Variants in EPB41L3 observed in about 807,000 individuals in gnomAD.
EPB41L3 encodes band 4.1-like protein 3.
EPB41L3 carries 57 observed loss-of-function variants against 127.1 expected under a neutral mutation model. The ratio of observed to expected loss-of-function variants is 0.45; its 90% confidence interval spans 0.36 to 0.56. EPB41L3 has a LOEUF of 0.56. EPB41L3 is among the 20% of genes least tolerant of loss of function. EPB41L3 has a pLI of 0.00. For synonymous variants in EPB41L3, 572 were observed against 549.5 expected (o/e 1.04, Z -0.57); for missense variants, 1,273 against 1,372.2 (o/e 0.93, Z 1.14).
rs549802113 is a variant in EPB41L3, at chr18:5,490,836, G to A, written c.-11-1642C>T. Among the ~76,000 whole-genome samples, 502 of 152,306 alleles carry A rather than the reference G, an allele frequency of 3.3e-3. 7 individuals are homozygous for A. The highest frequency in any genetic ancestry group is 0.011 in the African/African-American group (445 of 41,552). On this transcript the variant is annotated intron_variant, in intron 1 of 22. Coordinates refer to ENST00000341928, the MANE Select transcript of EPB41L3 (RefSeq NM_012307.5). The stretch of plus-strand genomic sequence containing the variant: ...TGATCAAACTCCATCTTTTGGAAGG[G>A]AAAGGATTAGCTTTAATAGTCAATT...
Position 5,415,848 on chromosome 18 carries a change from G to A in EPB41L3, c.2037C>T (p.Asp679=). The part of the protein sequence containing the change: ...PKAASLSASL[D]NDPSDSSEEE... ...CCTCTGAACTGTCACTCGGGTCATT[G>A]TCTAGGGAGGCGCTCAAGGAGGCCG... Residue 679 remains aspartate (D), a synonymous_variant, in exon 13 of 23, where the codon GAC becomes GAT. Coordinates refer to ENST00000341928, the MANE Select transcript of EPB41L3 (RefSeq NM_012307.5). 3 of 1,613,204 alleles carry A rather than the reference G, an allele frequency of 1.9e-6. No homozygotes were observed. The highest frequency in any genetic ancestry group is 2.5e-6 in the Non-Finnish European group (3 of 1,179,848).
At chr18:5,547,894 A>C (rs2093906933), upstream of EPB41L3, among the ~76,000 whole-genome samples, 1 of 152,246 alleles carries the variant, frequency 6.6e-6, no homozygotes, top group South Asian at 2.1e-4. Flanking sequence ...ATGAGACTCC[A>C]GAAAGAAATA....
At chr18:5,518,865 A>G (rs1269778670) in intron 1 of EPB41L3, among the ~76,000 whole-genome samples, 8 of 152,180 alleles carry the variant, frequency 5.3e-5, no homozygotes, top group African/African-American at 1.9e-4. Flanking sequence ...TTTGCAGATA[A>G]AAAGGAGTAC....
At chr18:5,505,980 T>G (rs1344164810) in intron 1 of EPB41L3, among the ~76,000 whole-genome samples, 4 of 141,550 alleles carry the variant, frequency 2.8e-5, no homozygotes, top group African/African-American at 5.2e-5. Flanking sequence ...CTTCTCTGCA[T>G]ACCTTCACTT....
intron 1 of EPB41L3, among the ~76,000 whole-genome samples, chr18:5,519,736 G>A (rs1385532414): frequency 3.9e-5 from 6 of 152,170 alleles, no homozygotes; most frequent in Non-Finnish European, 8.8e-5. Context: ...TCCACCCAGC[G>A]TGCAGGACAG....
intron 15 of EPB41L3, 41 bp downstream of exon 15, chr18:5,407,660 T>C (rs770035891): frequency 1.9e-6 from 3 of 1,603,438 alleles, no homozygotes; most frequent in Admixed American, 3.3e-5. Flanking sequence ...CACACTGTTG[T>C]TTTGTTGTTG....
chr18:5,628,928 CGCCGCGCTTCCCCGCCA>C (rs2094955598), exon 1 of EPB41L3: 2 of 152,406 alleles, frequency 1.3e-5, no homozygotes, highest in Admixed American at 1.3e-4. Flanking sequence ...CCACCTCCCG[CGCCGCGCTTCCCCGCCA>C]GCCGCCGGCC....
chr18:5,610,023 C>A (rs988813908), intron 3 of EPB41L3: 9 of 838,410 alleles, frequency 1.1e-5, no homozygotes, highest in Non-Finnish European at 1.3e-5. Flanking sequence ...GGTGCCTGGG[C>A]AGTGTGCTCA....
chr18:5,466,900 A>G (rs1156613252), intron 3 of EPB41L3, among the ~76,000 whole-genome samples: 1 of 152,262 alleles, frequency 6.6e-6, no homozygotes, highest in African/African-American at 2.4e-5. Flanking sequence ...GAAGGCATGA[A>G]TTGAAATGCT....
intron 1 of EPB41L3, among the ~76,000 whole-genome samples, chr18:5,506,561 C>T (rs112202176): frequency 5.3e-5 from 8 of 152,270 alleles, no homozygotes; most frequent in African/African-American, 1.9e-4. Flanking sequence ...CCCTAATACC[C>T]ATCACTAGTC....
intron 3 of EPB41L3, among the ~76,000 whole-genome samples, chr18:5,594,195 AG>A (rs1303528857): frequency 7.2e-5 from 11 of 152,216 alleles, no homozygotes; most frequent in Non-Finnish European, 1.3e-4. Context: ...AAATTATAAA[AG>A]TATTAATTTG....
At chr18:5,395,353 C>T (rs2073200259) in intron 20 of EPB41L3, among the ~76,000 whole-genome samples, 1 of 152,206 alleles carries the variant, frequency 6.6e-6, no homozygotes, top group Non-Finnish European at 1.5e-5. Flanking sequence ...GTTTCTGGAA[C>T]ACTACCACAT....
intron 6 of EPB41L3, among the ~76,000 whole-genome samples, chr18:5,436,629 T>C (rs918379847): frequency 1.3e-5 from 2 of 151,872 alleles, no homozygotes; most frequent in Admixed American, 1.3e-4. Flanking sequence ...AGGATGGTCT[T>C]GATCTCCTGA....
intron 3 of EPB41L3, among the ~76,000 whole-genome samples, chr18:5,593,289 A>C (rs1388862752): frequency 2.0e-5 from 3 of 151,872 alleles, no homozygotes; most frequent in Non-Finnish European, 4.4e-5. Flanking sequence ...ATTTTCCCTA[A>C]GCAACAGCCG....
intron 3 of EPB41L3, among the ~76,000 whole-genome samples, chr18:5,552,663 A>G (rs2093981927): frequency 6.6e-6 from 1 of 152,146 alleles, no homozygotes; most frequent in South Asian, 2.1e-4. Flanking sequence ...TAAGAGCTAA[A>G]ATTTACTGAG....
rs2072591297 is a variant in EPB41L3, at chr18:5,392,561, A to G, written c.*924T>C. The G allele has an allele frequency of 1.3e-5, 2 of 152,658 alleles. No homozygotes were observed. Among genetic ancestry groups the G allele is most frequent in the African/African-American group, 2.4e-5 (1 of 41,464 alleles). 9.5% of individuals were successfully genotyped at this position (152,658 alleles called of 1,614,324 possible). A position where few individuals can be genotyped will look rare whatever the true frequency, so the allele number is the denominator to read the frequency against. On this transcript the variant is annotated 3_prime_UTR_variant, in exon 23 of 23. Transcript: ENST00000341928. ...ACAGTTTAAGGCTTGGCTCTGAACT[A>G]GAATGTAAATATGGACCAGATTTGA...
chr18:5,464,470 C>A (rs2084602492), intron 3 of EPB41L3, among the ~76,000 whole-genome samples: 1 of 152,144 alleles, frequency 6.6e-6, no homozygotes, highest in South Asian at 2.1e-4. Context: ...AAACGTGCCT[C>A]AAACAGCTAC....
intron 3 of EPB41L3, among the ~76,000 whole-genome samples, chr18:5,464,235 A>G (rs1380423087): frequency 6.6e-6 from 1 of 152,218 alleles, no homozygotes; most frequent in East Asian, 1.9e-4. Context: ...ATGTTGCCTT[A>G]AATACCTCTA....
At chr18:5,513,213 T>A (rs2092613688) in intron 1 of EPB41L3, among the ~76,000 whole-genome samples, 1 of 152,158 alleles carries the variant, frequency 6.6e-6, no homozygotes, top group South Asian at 2.1e-4. Flanking sequence ...AGTGCACACA[T>A]AGCTCATGCA....
Sources: gnomAD v4.1 joint callset for allele counts (sites outside exome capture counted in the v4.1 genomes callset) on GRCh38, gnomAD v4.1.1 for gene constraint, MANE v1.5 for transcripts, NCBI Gene and HGNC (gene_info 2026-07-23, HGNC 2026-07-21) for gene names.